KIF26A: variants seen among roughly 807,000 people sequenced by gnomAD.
KIF26A encodes kinesin-like protein KIF26A.
A neutral mutation model predicts 126.0 loss-of-function variants in KIF26A; 74 were observed. The ratio of observed to expected loss-of-function variants is 0.59; its 90% CI spans 0.49 to 0.71. KIF26A has a LOEUF of 0.71. Among genes scored for constraint, KIF26A ranks in the 30% least tolerant of loss-of-function variants. KIF26A has a pLI of 0.00. For missense variants in KIF26A, 2,984 were observed against 2,763.3 expected (o/e 1.08, Z -1.79); for synonymous variants, 1,445 against 1,232.7 (o/e 1.17, Z -3.61).
chr14:104,172,016 G>A (rs943345202), intron 6 of KIF26A, 81 bp downstream of exon 6: 5 of 1,315,350 alleles, frequency 3.8e-6, no homozygotes, highest in East Asian at 2.5e-5. Context: ...ATCTGCGCCC[G>A]CTTCTCCGTG....
At chr14:104,142,143 G>A (rs1185431319) in intron 2 of KIF26A, among the ~76,000 whole-genome samples, 2 of 152,156 alleles carry the variant, frequency 1.3e-5, no homozygotes, top group East Asian at 3.9e-4. Context: ...CTGTGGCATG[G>A]ATAAGACTGT....
At position 104,139,229 on chromosome 14, in the gene KIF26A, C is replaced by G; in HGVS notation, c.229C>G (p.Leu77Val). 3.9e-6 allele frequency: 6 copies of G among 1,557,780 alleles called. No individual in the cohort carries two copies. The highest frequency in any genetic ancestry group is 5.2e-6 in the Non-Finnish European group (6 of 1,153,128). ...GGWCRHCHTK[L>V]VELKRQAWKL... ...CTGGTGCCGCCACTGCCACACGAAG[C>G]TGGTGGAGCTCAAGCGACAGGCGTG... Residue 77 changes from leucine (L) to valine (V), a missense_variant, in exon 2 of 15, where the codon CTG (leucine) becomes GTG (valine). Transcript: ENST00000423312.
chr14:104,155,552 C>T (rs2037769115), intron 3 of KIF26A, among the ~76,000 whole-genome samples: 1 of 151,014 alleles, frequency 6.6e-6, no homozygotes, highest in Non-Finnish European at 1.5e-5. Context: ...CTCTCTTCTG[C>T]CCCCGTGTTG....
chr14:104,172,929 G>T (rs748225218), intron 7 of KIF26A, 48 bp from the exon 8 acceptor site: 27 of 1,517,974 alleles, frequency 1.8e-5, no homozygotes, highest in Non-Finnish European at 2.3e-5. Context: ...AGCCATAAAG[G>T]CTCCTTGCGT....
chr14:104,152,482 A>T lies in KIF26A; in HGVS notation c.735+21A>T. ...GCCTGGTGAGTGTCTTGCTCAGCGG[A>T]TGGGAGCTGCTGGCCTCCTTGTCAG... On this transcript the variant is annotated intron_variant, in intron 3 of 14. Coordinates refer to ENST00000423312, the MANE Select transcript of KIF26A (RefSeq NM_015656.2). The surrounding 1 kb of genome is among the most constrained non-coding windows in gnomAD (Gnocchi z 5.9). 1 of 1,526,028 alleles carries T rather than the reference A, an allele frequency of 6.6e-7. No individual in the cohort carries two copies. The highest frequency in any genetic ancestry group is 8.8e-7 in the Non-Finnish European group (1 of 1,138,958). 94.5% of individuals were successfully genotyped at this position (1,526,028 alleles called of 1,614,324 possible).
intron 2 of KIF26A, among the ~76,000 whole-genome samples, chr14:104,149,721 C>T (rs1481729865): frequency 6.6e-6 from 1 of 152,214 alleles, no homozygotes; most frequent in East Asian, 1.9e-4. Context: ...CTTCCTCCCT[C>T]CCCTGCCCTC....
chr14:104,156,031 T>G (rs906787706), intron 3 of KIF26A, among the ~76,000 whole-genome samples: 5 of 151,990 alleles, frequency 3.3e-5, no homozygotes, highest in Non-Finnish European at 5.9e-5. Flanking sequence ...GGTGGTGCCA[T>G]CGCGACGAGC....
rs946734389 is a variant in KIF26A at position 104,179,875 on chromosome 14, G to C, written c.*85G>C. 2 of 1,320,198 alleles carry C rather than the reference G, an allele frequency of 1.5e-6. No homozygotes were observed. Among genetic ancestry groups the C allele is most frequent in the East Asian group, 2.6e-5 (1 of 38,956 alleles). 81.8% of individuals were successfully genotyped at this position (1,320,198 alleles called of 1,614,324 possible). ...GGAGCGAGGATGTGGTGGGGGCTGC[G>C]GGGGGAGGATGCGGAGGGGTTTCTG... On this transcript the variant is annotated 3_prime_UTR_variant, in exon 15 of 15. Coordinates refer to ENST00000423312, the MANE Select transcript of KIF26A (RefSeq NM_015656.2).
intron 2 of KIF26A, among the ~76,000 whole-genome samples, chr14:104,150,119 TC>T (rs1273797964): frequency 1.5e-5 from 1 of 68,098 alleles, no homozygotes; most frequent in African/African-American, 5.6e-5. Context: ...GCCCTCCCCC[TC>T]CTGGTCCCCC....
At chr14:104,146,374 G>C (rs1394713708) in intron 2 of KIF26A, among the ~76,000 whole-genome samples, 1 of 152,072 alleles carries the variant, frequency 6.6e-6, no homozygotes, top group Non-Finnish European at 1.5e-5. Context: ...GTAGCTTGTG[G>C]GGCATGGGGT....
Position 104,176,586 on chromosome 14 carries a change from C to T in KIF26A, c.3798C>T (p.Gly1266=). ...GCAGGGCCCCCAGCCCCACACTTGG[C>T]TCCCCCCGGCTGCCTGAGGCCCAGG... ...SAGRAPSPTL[G]SPRLPEAQVM... Residue 1266 remains glycine (G), a synonymous_variant, in exon 12 of 15, where the codon GGC becomes GGT. Coordinates refer to ENST00000423312, the MANE Select transcript of KIF26A (RefSeq NM_015656.2). 2 of 1,608,210 alleles carry T rather than the reference C, an allele frequency of 1.2e-6. No homozygotes were observed. The highest frequency in any genetic ancestry group is 1.7e-6 in the Non-Finnish European group (2 of 1,179,636).
chr14:104,165,103 C>G (rs1312080935), intron 4 of KIF26A, among the ~76,000 whole-genome samples: 1 of 147,504 alleles, frequency 6.8e-6, no homozygotes, highest in Admixed American at 6.7e-5. Flanking sequence ...GTGTGTGTGT[C>G]TCTGTGTGTG....
At position 104,139,101 on chromosome 14, in the gene KIF26A, A is replaced by G. The variant is rs2141085199; in HGVS notation, c.101A>G (p.Lys34Arg). The G allele has an allele frequency of 2.7e-6, 4 of 1,467,386 alleles. No homozygotes were observed. The highest frequency in any genetic ancestry group is 1.4e-5 in the South Asian group (1 of 73,238). The allele number at this position is 1,467,386 out of a possible 1,614,324, so 90.9% of individuals were successfully genotyped here. Residue 34 changes from lysine to arginine, a missense_variant, in exon 2 of 15, where the codon AAG becomes AGG. Coordinates refer to ENST00000423312, the MANE Select transcript of KIF26A (RefSeq NM_015656.2). ...CCGCTGCTGGAGGTGTCCCCCCGAAAGAGGCTACCCGCCGGGCCCGACCAG... is the reference window on the plus strand; with the variant it reads ...CCGCTGCTGGAGGTGTCCCCCCGAAGGAGGCTACCCGCCGGGCCCGACCAG... ...PPPLLEVSPR[K>R]RLPAGPDQDP...
In KIF26A at chr14:104,152,582, C is replaced by A; in HGVS notation, c.735+121C>A. The stretch of plus-strand genomic sequence containing the variant: ...AGGCTTCCCTGAAGGGAGGGGACGG[C>A]GGGCATGGGGGTTCCTGACACTCCT... On this transcript the variant is annotated intron_variant, in intron 3 of 14. Coordinates refer to ENST00000423312, the MANE Select transcript of KIF26A (RefSeq NM_015656.2). The surrounding 1 kb of genome is among the most constrained non-coding windows in gnomAD (Gnocchi z 5.9). The A allele has an allele frequency of 1.1e-6, 1 of 903,470 alleles. No individual in the cohort carries two copies. Among genetic ancestry groups the A allele is most frequent in the Non-Finnish European group, 1.6e-6 (1 of 617,086 alleles). 56.0% of individuals were successfully genotyped at this position (903,470 alleles called of 1,614,324 possible).
At chr14:104,164,147 C>T (rs781164600) in intron 4 of KIF26A, among the ~76,000 whole-genome samples, 46 of 152,180 alleles carry the variant, frequency 3.0e-4, no homozygotes, top group Admixed American at 4.6e-4. Flanking sequence ...CTGCAGCCGC[C>T]GCAGTGGGGG....
chr14:104,160,612 G>A (rs574720478), intron 4 of KIF26A, among the ~76,000 whole-genome samples: 2 of 152,214 alleles, frequency 1.3e-5, no homozygotes, highest in South Asian at 2.1e-4. Context: ...CGCGTGGGCC[G>A]GGTGGCCCCG....
chr14:104,175,185 G>A lies in KIF26A; in HGVS notation c.2397G>A (p.Ala799=), dbSNP rs372334943. The A allele has an allele frequency of 4.2e-5, 67 of 1,608,374 alleles. No individual in the cohort carries two copies. The African/African-American group carries it at 4.4e-4, about 11-fold the overall frequency. ...TVIYVGPGGA[A]LSDRELTDNE... is the part of the protein sequence containing the mutation. The stretch of plus-strand genomic sequence containing the variant: ...TCTACGTGGGGCCCGGTGGGGCGGC[G>A]CTGTCAGACCGGGAGCTCACCGACA... Residue 799 remains alanine (A), a synonymous_variant, in exon 12 of 15, where the codon GCG becomes GCA. Transcript: ENST00000423312.
Position 104,157,866 on chromosome 14 carries a change from T to A in KIF26A, c.847T>A (p.Ser283Thr). Residue 283 changes from serine to threonine, a missense_variant, in exon 4 of 15, where the codon TCA (serine) becomes ACA (threonine). Transcript: ENST00000423312. ...CTGGGGCCGTGGTGGAGTCTGCACG[T>A]CAGCCCTGGTCACCCCCACCCCGGG... ...KAWGRGGVCT[S>T]ALVTPTPGSV... 6.2e-7 allele frequency: 1 copy of A among 1,600,328 alleles called. No individual in the cohort carries two copies. Among genetic ancestry groups the A allele is most frequent in the Non-Finnish European group, 8.5e-7 (1 of 1,172,188 alleles).
chr14:104,152,568 A>G lies in KIF26A; in HGVS notation c.735+107A>G. 1 of 1,137,432 alleles carries G rather than the reference A, an allele frequency of 8.8e-7. No homozygotes were observed. The highest frequency in any genetic ancestry group is 1.2e-6 in the Non-Finnish European group (1 of 826,560). The allele number at this position is 1,137,432 out of a possible 1,614,324, so 70.5% of individuals were successfully genotyped here. ...AGTGCCCTGCAGTAAGGCTTCCCTGAAGGGAGGGGACGGCGGGCATGGGGG... is the reference window on the plus strand; with the variant it reads ...AGTGCCCTGCAGTAAGGCTTCCCTGGAGGGAGGGGACGGCGGGCATGGGGG... On this transcript the variant is annotated intron_variant, in intron 3 of 14. Coordinates refer to ENST00000423312, the MANE Select transcript of KIF26A (RefSeq NM_015656.2). The surrounding 1 kb of genome is among the most constrained non-coding windows in gnomAD (Gnocchi z 5.9).
Sources: gnomAD v4.1 joint callset for allele counts (sites outside exome capture counted in the v4.1 genomes callset) on GRCh38, gnomAD v4.1.1 for gene constraint, Gnocchi (gnomAD v3.1) non-coding constraint, MANE v1.5 for transcripts, NCBI Gene and HGNC (gene_info 2026-07-23, HGNC 2026-07-21) for gene names.